Variants in ADAMTS2 observed in about 807,000 individuals in gnomAD.
The protein encoded by ADAMTS2 is A disintegrin and metalloproteinase with thrombospondin motifs 2.
A neutral mutation model predicts 123.0 loss-of-function variants in ADAMTS2; 50 were observed. The ratio of observed to expected loss-of-function variants is 0.41; its 90% CI spans 0.32 to 0.51. ADAMTS2 has a LOEUF of 0.51. Ranked by LOEUF, ADAMTS2 falls within the 20% of genes least tolerant of loss-of-function variation. The probability of loss-of-function intolerance (pLI) is 0.35; values close to 1 mark genes in which losing one functional copy is unlikely to be tolerated. For missense variants in ADAMTS2, 1,494 were observed against 1,705.2 expected (o/e 0.88, Z 2.18); for synonymous variants, 678 against 695.4 (o/e 0.98, Z 0.39).
At chr5:179,229,653 C>G (rs975397234) in intron 3 of ADAMTS2, among the ~76,000 whole-genome samples, 4 of 152,316 alleles carry the variant, frequency 2.6e-5, no homozygotes, top group Admixed American at 6.5e-5. Context: ...GAAGCCCTTC[C>G]TCTGCAGCCA....
intron 10 of ADAMTS2, among the ~76,000 whole-genome samples, chr5:179,143,621 G>C (rs1443090025): frequency 6.6e-6 from 1 of 152,140 alleles, no homozygotes; most frequent in Non-Finnish European, 1.5e-5. Flanking sequence ...GGTCATCCTG[G>C]ATGGGATTGG....
At chr5:179,320,686 G>A (rs1366550994) in intron 2 of ADAMTS2, among the ~76,000 whole-genome samples, 1 of 152,158 alleles carries the variant, frequency 6.6e-6, no homozygotes, top group Non-Finnish European at 1.5e-5. Context: ...TGCGTCACCA[G>A]TGGGCAAGGA....
intron 5 of ADAMTS2, among the ~76,000 whole-genome samples, chr5:179,165,330 T>C (rs193071210): frequency 3.9e-5 from 6 of 152,334 alleles, no homozygotes; most frequent in East Asian, 1.9e-4. Flanking sequence ...ATTTCTCATA[T>C]ATGGATCTCC....
At chr5:179,335,060 A>G (rs1757578537) in intron 2 of ADAMTS2, among the ~76,000 whole-genome samples, 1 of 152,200 alleles carries the variant, frequency 6.6e-6, no homozygotes, top group Non-Finnish European at 1.5e-5. Context: ...CGACAAAACA[A>G]TTCTAAAATT....
At chr5:179,273,102 A>G in intron 2 of ADAMTS2, 38 bp from the exon 3 acceptor site, 2 of 1,613,118 alleles carry the variant, frequency 1.2e-6, no homozygotes, top group Non-Finnish European at 1.7e-6. Flanking sequence ...TTTCCAGCAC[A>G]CAAAAGACCA....
intron 13 of ADAMTS2, among the ~76,000 whole-genome samples, 176 bp from the exon 14 acceptor site, chr5:179,133,076 C>T (rs1031849422): frequency 2.4e-4 from 36 of 151,356 alleles, no homozygotes; most frequent in African/African-American, 8.5e-4. Flanking sequence ...TTATTATCTC[C>T]AAAATCAGAG....
At position 179,138,746 on chromosome 5, in the gene ADAMTS2, G is replaced by T. The variant is rs1474882868; in HGVS notation, c.1776-802C>A. Among the ~76,000 whole-genome samples the T allele has an allele frequency of 3.3e-5, 5 of 152,188 alleles. No individual in the cohort carries two copies. In the East Asian group the frequency reaches 9.6e-4, roughly 29 times the overall value. On this transcript the variant is annotated intron_variant, in intron 11 of 21. Coordinates refer to ENST00000251582, the MANE Select transcript of ADAMTS2 (RefSeq NM_014244.5). ...GTGTTCACACGTGCTGCTGAGGGAG[G>T]CTGTCCCACTGCGGGATCCCTCCGC...
chr5:179,173,925 A>C (rs1651355129), intron 5 of ADAMTS2, among the ~76,000 whole-genome samples: 1 of 151,712 alleles, frequency 6.6e-6, no homozygotes, highest in African/African-American at 2.4e-5. Flanking sequence ...AGGCAGGAGA[A>C]TCACTTGAAC....
intron 2 of ADAMTS2, among the ~76,000 whole-genome samples, chr5:179,334,878 G>A (rs1207287829): frequency 6.6e-6 from 1 of 152,120 alleles, no homozygotes; most frequent in Non-Finnish European, 1.5e-5. Context: ...TGGATGACCT[G>A]TATAAAAATA....
chr5:179,143,380 C>CTGAGAT (rs1226586792), intron 10 of ADAMTS2, among the ~76,000 whole-genome samples: 1 of 149,230 alleles, frequency 6.7e-6, no homozygotes, highest in Non-Finnish European at 1.5e-5. Context: ...TTGCAGTGAG[C>CTGAGAT]TGAGATCGCG....
Position 179,189,510 on chromosome 5 carries a change from GTTTTTTTTTTTT to G in ADAMTS2, c.892-8367_892-8356del, listed in dbSNP as rs146295427. Among the ~76,000 whole-genome samples, 3 of 78,948 alleles carry G rather than the reference GTTTTTTTTTTTT, an allele frequency of 3.8e-5. No homozygotes were observed. The highest frequency in any genetic ancestry group is 8.9e-5 in the African/African-American group (2 of 22,366). The allele number at this position is 78,948 out of a possible 152,430, so 51.8% of individuals were successfully genotyped here. On this transcript the variant is annotated intron_variant, in intron 4 of 21. Transcript: ENST00000251582. This position sits in a 1 kb window ranked among gnomAD's most constrained non-coding sequence, Gnocchi z 4.2. The stretch of plus-strand genomic sequence containing the variant: ...CTACAGGCGCCCGCCAGTGCGCCTG[GTTTTTTTTTTTT>G]TTTTTTTTTTTTTTTTAGTAGAGGC...
At chr5:179,137,688 G>A in intron 12 of ADAMTS2, 81 bp downstream of exon 12, 2 of 1,515,824 alleles carry the variant, frequency 1.3e-6, no homozygotes, top group Non-Finnish European at 1.8e-6. Context: ...CCCCATGCAG[G>A]ATCAGAGGCA....
chr5:179,322,267 G>A (rs1034084791), intron 2 of ADAMTS2, among the ~76,000 whole-genome samples: 1 of 152,256 alleles, frequency 6.6e-6, no homozygotes, highest in Non-Finnish European at 1.5e-5. Flanking sequence ...AATCTGATGG[G>A]ACCCAGCGCA....
intron 2 of ADAMTS2, among the ~76,000 whole-genome samples, chr5:179,327,561 T>A (rs1757348259): frequency 6.6e-6 from 1 of 152,274 alleles, no homozygotes. Flanking sequence ...CCGCCGCCAC[T>A]CATCCCCATA....
chr5:179,258,728 G>T lies in ADAMTS2; in HGVS notation c.688+14183C>A, dbSNP rs530540852. 4.7e-4 allele frequency among the ~76,000 whole-genome samples: 72 copies of T among 152,310 alleles called. 2 individuals carry two copies. The highest frequency in any genetic ancestry group is 6.8e-3 in the Middle Eastern group (2 of 294). ...GGATCCCACAGAGGAAATGATTCTA[G>T]CGAGCGCCACCTCGACAGGTCTGAG... On this transcript the variant is annotated intron_variant, in intron 3 of 21. Transcript: ENST00000251582.
chr5:179,333,386 T>C (rs1581286559), intron 2 of ADAMTS2, among the ~76,000 whole-genome samples: 1 of 152,306 alleles, frequency 6.6e-6, no homozygotes, highest in South Asian at 2.1e-4. Context: ...GCACCCGTCA[T>C]GCTGTACAAA....
intron 4 of ADAMTS2, among the ~76,000 whole-genome samples, chr5:179,200,107 C>T (rs982475618): frequency 7.9e-5 from 12 of 152,120 alleles, no homozygotes; most frequent in Non-Finnish European, 1.8e-4. Flanking sequence ...ACTGGCTCTG[C>T]CTTTAGGCCA....
In ADAMTS2 at chr5:179,273,204, G is replaced by C. The variant is rs1433956339; in HGVS notation, c.535-140C>G. Reference sequence around the variant, plus strand: ...CCAGCTGGTGCTCAGCTTGAACCCTGGGCTGGCCGGAGGGTATGAACATGT... The same window carrying C: ...CCAGCTGGTGCTCAGCTTGAACCCTCGGCTGGCCGGAGGGTATGAACATGT... On this transcript the variant is annotated intron_variant, in intron 2 of 21. Transcript: ENST00000251582. The C allele has an allele frequency of 1.7e-5, 23 of 1,347,900 alleles. No homozygotes were observed. In the East Asian group the frequency reaches 5.3e-4, roughly 31 times the overall value. The allele number at this position is 1,347,900 out of a possible 1,614,324, so 83.5% of individuals were successfully genotyped here.
At chr5:179,237,635 T>G (rs1427656026) in intron 3 of ADAMTS2, among the ~76,000 whole-genome samples, 1 of 152,118 alleles carries the variant, frequency 6.6e-6, no homozygotes, top group Admixed American at 6.5e-5. Context: ...GATGTGTGAT[T>G]CTCAAGGTCA....
Sources: gnomAD v4.1 joint callset for allele counts (sites outside exome capture counted in the v4.1 genomes callset) on GRCh38, gnomAD v4.1.1 for gene constraint, Gnocchi (gnomAD v3.1) non-coding constraint, MANE v1.5 for transcripts, NCBI Gene and HGNC (gene_info 2026-07-23, HGNC 2026-07-21) for gene names.